Variants in EXOC6B observed in about 807,000 individuals in gnomAD.
EXOC6B encodes the protein SEC15 homolog B.
A neutral mutation model predicts 113.5 loss-of-function variants in EXOC6B; 54 were observed. The ratio of observed to expected loss-of-function variants is 0.48; its 90% CI spans 0.38 to 0.60. The LOEUF is 0.60. Ranked by LOEUF, EXOC6B falls within the 20% of genes least tolerant of loss-of-function variation. The probability of loss-of-function intolerance (pLI) is 0.00; values close to 1 mark genes in which losing one functional copy is unlikely to be tolerated. For synonymous variants in EXOC6B, 357 were observed against 339.0 expected, an observed-to-expected ratio of 1.05 and a Z score of -0.58; for missense variants, 797 against 977.5, an observed-to-expected ratio of 0.82 and a Z score of 2.46.
intron 8 of EXOC6B, among the ~76,000 whole-genome samples, chr2:72,539,594 T>C (rs1236840179): frequency 2.6e-5 from 4 of 152,168 alleles, no homozygotes; most frequent in African/African-American, 7.2e-5. Context: ...GTTTGCTGGC[T>C]TTCCTTGTTA....
intron 20 of EXOC6B, among the ~76,000 whole-genome samples, chr2:72,292,735 A>G (rs1685882092): frequency 1.3e-5 from 2 of 152,180 alleles, no homozygotes; most frequent in Admixed American, 6.5e-5. Flanking sequence ...TGTGTTCTCC[A>G]TCATTACAGT....
At chr2:72,691,924 T>C (rs1677511819) in intron 6 of EXOC6B, among the ~76,000 whole-genome samples, 1 of 152,084 alleles carries the variant, frequency 6.6e-6, no homozygotes, top group Non-Finnish European at 1.5e-5. Flanking sequence ...CCTCAGGTGA[T>C]CCGTCTGCCT....
intron 8 of EXOC6B, among the ~76,000 whole-genome samples, chr2:72,557,487 G>A (rs1001443445): frequency 2.0e-5 from 3 of 152,168 alleles, no homozygotes; most frequent in African/African-American, 7.2e-5. Context: ...ATGAGATCAT[G>A]TCTTTTGCAG....
At chr2:72,712,023 G>A (rs867889465) in intron 6 of EXOC6B, among the ~76,000 whole-genome samples, 7 of 152,150 alleles carry the variant, frequency 4.6e-5, no homozygotes, top group African/African-American at 1.7e-4. Flanking sequence ...AGTACTAACA[G>A]TAAAATGGAC....
At chr2:72,393,074 T>TTTTG (rs745883718) in intron 18 of EXOC6B, among the ~76,000 whole-genome samples, 30 of 151,890 alleles carry the variant, frequency 2.0e-4, no homozygotes, top group East Asian at 1.9e-4. Context: ...GGTTTGGTTT[T>TTTTG]TTTGTTTGTT....
chr2:72,626,476 C>T (rs1056807525), intron 6 of EXOC6B, among the ~76,000 whole-genome samples: 4 of 152,128 alleles, frequency 2.6e-5, no homozygotes, highest in African/African-American at 7.2e-5. Context: ...ATTTTGGAGT[C>T]CTTTCAAACT....
intron 20 of EXOC6B, among the ~76,000 whole-genome samples, chr2:72,319,121 T>C (rs923623641): frequency 2.0e-5 from 3 of 151,842 alleles, no homozygotes; most frequent in African/African-American, 7.2e-5. Flanking sequence ...TATAATAATT[T>C]AAATATAAAA....
chr2:72,326,671 G>A (rs952472956), intron 20 of EXOC6B, among the ~76,000 whole-genome samples: 3 of 152,038 alleles, frequency 2.0e-5, no homozygotes, highest in Non-Finnish European at 4.4e-5. Context: ...AGGGGTAGGA[G>A]AGTTGTCAAA....
At chr2:72,491,598 T>C (rs11126369) in intron 16 of EXOC6B, among the ~76,000 whole-genome samples, 31,801 of 152,068 alleles carry the variant, frequency 0.21, 5,222 homozygotes, top group African/African-American at 0.46. Context: ...TTGAGGTTAC[T>C]ACGCAATCTT....
At chr2:72,230,576 C>T (rs745533171) in intron 20 of EXOC6B, among the ~76,000 whole-genome samples, 3 of 152,122 alleles carry the variant, frequency 2.0e-5, no homozygotes, top group East Asian at 1.9e-4. Context: ...TTTTAACTAA[C>T]GACCTGGTCC....
intron 15 of EXOC6B, among the ~76,000 whole-genome samples, chr2:72,493,529 C>T (rs1203773822): frequency 1.3e-5 from 2 of 150,898 alleles, no homozygotes; most frequent in African/African-American, 2.4e-5. Context: ...TTACATTGTC[C>T]CTCTTTGCGC....
At chr2:72,793,190 C>T (rs1559006445) in intron 1 of EXOC6B, among the ~76,000 whole-genome samples, 1 of 151,934 alleles carries the variant, frequency 6.6e-6, no homozygotes, top group Non-Finnish European at 1.5e-5. Context: ...GGAAATGCAC[C>T]AAAATTTCTT....
chr2:72,791,918 T>C (rs1367192486), intron 1 of EXOC6B, among the ~76,000 whole-genome samples: 1 of 152,182 alleles, frequency 6.6e-6, no homozygotes, highest in Admixed American at 6.5e-5. Flanking sequence ...CACTGAAACA[T>C]AGATTCCAAA....
At chr2:72,266,783 T>A (rs1684122916) in intron 20 of EXOC6B, among the ~76,000 whole-genome samples, 2 of 152,212 alleles carry the variant, frequency 1.3e-5, no homozygotes, top group Non-Finnish European at 2.9e-5. Context: ...TTTTTTCCAA[T>A]TCTGTGAAGA....
chr2:72,813,979 C>G (rs890674916), intron 1 of EXOC6B, among the ~76,000 whole-genome samples: 1 of 152,246 alleles, frequency 6.6e-6, no homozygotes, highest in African/African-American at 2.4e-5. Context: ...CATAAAGAAG[C>G]AAGTTTTGAA....
chr2:72,623,191 T>G (rs1165699783), intron 6 of EXOC6B, among the ~76,000 whole-genome samples: 1 of 152,188 alleles, frequency 6.6e-6, no homozygotes, highest in Non-Finnish European at 1.5e-5. Flanking sequence ...AAAAAAATTA[T>G]CCTGAGTATT....
At chr2:72,448,123 A>G (rs1271504101) in intron 18 of EXOC6B, among the ~76,000 whole-genome samples, 1 of 152,182 alleles carries the variant, frequency 6.6e-6, no homozygotes, top group Non-Finnish European at 1.5e-5. Flanking sequence ...TACTAACTTC[A>G]TATTCTACAA....
chr2:72,231,820 T>C (rs7577860), intron 20 of EXOC6B, among the ~76,000 whole-genome samples: 35,729 of 152,050 alleles, frequency 0.23, 7,384 homozygotes, highest in African/African-American at 0.56. Flanking sequence ...GCTTATACAC[T>C]GCTGGTGGGA....
chr2:72,708,849 C>G (rs1183464583), intron 6 of EXOC6B, among the ~76,000 whole-genome samples: 1 of 151,778 alleles, frequency 6.6e-6, no homozygotes, highest in Non-Finnish European at 1.5e-5. Context: ...CCTTCCTCAG[C>G]CTCCTGAGTA....
Sources: allele counts gnomAD v4.1 joint callset (sites outside exome capture counted in the v4.1 genomes callset), GRCh38; gene constraint gnomAD v4.1.1; transcripts MANE v1.5; gene names NCBI Gene and HGNC (gene_info 2026-07-23, HGNC 2026-07-21).